The following CYFIP1 variants were observed in gnomAD, a reference collection of about 807,000 sequenced individuals.
CYFIP1 encodes the protein cytoplasmic FMR1 interacting protein 1.
Under a neutral mutation model 163.5 loss-of-function variants are expected in CYFIP1, and 58 were observed. The ratio of observed to expected loss-of-function variants is 0.35; its 90% confidence interval spans 0.29 to 0.44. The LOEUF (loss-of-function observed/expected upper bound fraction) is 0.44, where lower values mean the gene tolerates loss of function less well. CYFIP1 is among the 20% of genes least tolerant of loss of function. The pLI, the probability that CYFIP1 is intolerant of heterozygous loss-of-function variation, is 1.00. For missense variants in CYFIP1, 1,338 were observed against 1,653.8 expected (o/e 0.81, Z 3.31); for synonymous variants, 663 against 660.7 (o/e 1.00, Z -0.05).
chr15:22,970,458 A>C (rs998153677), intron 1 of CYFIP1, among the ~76,000 whole-genome samples: 3 of 152,238 alleles, frequency 2.0e-5, no homozygotes, highest in Non-Finnish European at 4.4e-5. Flanking sequence ...AATTCATAGG[A>C]ATCTCCAAGG....
chr15:22,882,094 A>G (rs1842661341), intron 24 of CYFIP1, among the ~76,000 whole-genome samples, 158 bp from the exon 25 acceptor site: 1 of 152,170 alleles, frequency 6.6e-6, no homozygotes, highest in Non-Finnish European at 1.5e-5. Context: ...ACCCCGGGAG[A>G]GAGAGCAACC....
intron 1 of CYFIP1, among the ~76,000 whole-genome samples, chr15:22,971,544 C>T (rs1041766523): frequency 1.3e-5 from 2 of 151,890 alleles, no homozygotes; most frequent in Non-Finnish European, 1.5e-5. Context: ...TGGTAGTGGG[C>T]GCCTGTAATC....
At chr15:22,928,562 G>A (rs2061433836) in intron 11 of CYFIP1, among the ~76,000 whole-genome samples, 1 of 152,176 alleles carries the variant, frequency 6.6e-6, no homozygotes, top group Admixed American at 6.5e-5. Context: ...ACCGCGGGCT[G>A]GGCGCGGGGC....
In CYFIP1 at chr15:22,873,570, A is replaced by G. The variant is rs1422747917; in HGVS notation, c.3370T>C (p.Cys1124Arg). Residue 1124 changes from cysteine (C) to arginine (R), a missense_variant, in exon 29 of 31, where the codon TGT (cysteine) becomes CGT (arginine). This residue lies in a region of CYFIP1 where 306 missense variants were observed against 322.1 expected (regional missense o/e 0.95). Coordinates refer to ENST00000617928, the MANE Select transcript of CYFIP1 (RefSeq NM_014608.6). ...PSNGVMHVDECVEFHRLWSAM... is the reference protein window; with the variant it reads ...PSNGVMHVDERVEFHRLWSAM... ...CTCCACAGTCTGTGAAACTCCACAC[A>G]CTCGTCCACATGCATGACCCCATTG... 4 of 1,614,038 alleles carry G rather than the reference A, an allele frequency of 2.5e-6. No individual in the cohort carries two copies. The highest frequency in any genetic ancestry group is 2.5e-6 in the Non-Finnish European group (3 of 1,180,036).
At chr15:22,892,386 G>C (rs1005682364) in intron 23 of CYFIP1, among the ~76,000 whole-genome samples, 1 of 152,148 alleles carries the variant, frequency 6.6e-6, no homozygotes, top group East Asian at 1.9e-4. Context: ...GTAGACCCGG[G>C]TGCTCCGGGT....
At position 22,868,506 on chromosome 15, in the gene CYFIP1, C is replaced by G. The variant is rs1335155693; in HGVS notation, c.*1522G>C. The G allele has an allele frequency of 6.6e-6, 1 of 152,100 alleles. No homozygotes were observed. Among genetic ancestry groups the G allele is most frequent in the East Asian group, 1.9e-4 (1 of 5,198 alleles). The allele number at this position is 152,100 out of a possible 1,614,324, so 9.4% of individuals were successfully genotyped here. ...AATTTTTCATCCTATTCTGTAGTTT[C>G]TAAGATAAGCACAGCTACCACCTCT... On this transcript the variant is annotated 3_prime_UTR_variant, in exon 31 of 31. Transcript: ENST00000617928.
rs1746926275 is a variant in CYFIP1 at position 22,881,013 on chromosome 15, GA to G, written c.2911+832del. Among the ~76,000 whole-genome samples, 5 of 152,144 alleles carry G rather than the reference GA, an allele frequency of 3.3e-5. No homozygotes were observed. The South Asian group carries it at 1.0e-3, about 32-fold the overall frequency. On this transcript the variant is annotated intron_variant, in intron 25 of 30. Transcript: ENST00000617928. ...CTCCTCTACTTTCTGACAATAAACT[GA>G]AAACAGATTCTCTTGAGCCAGGGCC...
intron 6 of CYFIP1, among the ~76,000 whole-genome samples, chr15:22,941,542 C>T (rs1307764957): frequency 2.7e-5 from 4 of 148,192 alleles, no homozygotes; most frequent in East Asian, 2.0e-4. Context: ...GAGCTAGATG[C>T]GTGTGTGTGT....
At chr15:22,977,569 G>A (rs990590089) in intron 1 of CYFIP1, among the ~76,000 whole-genome samples, 10 of 152,152 alleles carry the variant, frequency 6.6e-5, no homozygotes, top group African/African-American at 1.9e-4. Flanking sequence ...GGTGGTTCAC[G>A]CCTGTAATCC....
intron 1 of CYFIP1, chr15:22,951,486 G>A: frequency 7.8e-7 from 1 of 1,288,992 alleles, no homozygotes; most frequent in South Asian, 1.2e-5. Flanking sequence ...CGCTCGGAGG[G>A]GCCAGGCTGC....
At chr15:22,978,222 C>CG (rs1161185436) in intron 1 of CYFIP1, among the ~76,000 whole-genome samples, 7 of 151,012 alleles carry the variant, frequency 4.6e-5, no homozygotes, top group Non-Finnish European at 1.0e-4. Flanking sequence ...TGTGGTGGTG[C>CG]GTGCCTGTAA....
At chr15:22,918,922 G>T in intron 13 of CYFIP1, 64 bp from the exon 14 acceptor site, 1 of 1,329,570 alleles carries the variant, frequency 7.5e-7, no homozygotes, top group Non-Finnish European at 1.0e-6. Context: ...CCTCTGCCTG[G>T]CACATGCCGG....
intron 1 of CYFIP1, among the ~76,000 whole-genome samples, chr15:22,967,404 C>A (rs902208015): frequency 6.6e-6 from 1 of 152,212 alleles, no homozygotes; most frequent in Non-Finnish European, 1.5e-5. Flanking sequence ...GAGTTCCAAT[C>A]GCACTTTCCA....
intron 13 of CYFIP1, among the ~76,000 whole-genome samples, chr15:22,919,777 C>A (rs906475601): frequency 1.3e-5 from 2 of 152,164 alleles, no homozygotes. Flanking sequence ...AATCCTGGCA[C>A]TTTGGGAGGC....
In CYFIP1 at chr15:22,957,067, C is replaced by A. The variant is rs549591767; in HGVS notation, c.-6-9776G>T. ...CCAGAAAATGCAGAAGCGAAGGCGT[C>A]GGTGCCACGCAGGCGGCAGTGCTGT... On this transcript the variant is annotated intron_variant, in intron 1 of 30. Transcript: ENST00000617928. Among the ~76,000 whole-genome samples, 159 of 152,366 alleles carry A rather than the reference C, an allele frequency of 1.0e-3. 1 individual carries two copies. Among genetic ancestry groups the A allele is most frequent in the African/African-American group, 3.7e-3 (155 of 41,588 alleles).
At position 22,910,772 on chromosome 15, in the gene CYFIP1, G is replaced by A. The variant is rs1731704920; in HGVS notation, c.2124C>T (p.Asp708=). Residue 708 remains aspartate (D), a synonymous_variant, in exon 19 of 31, where the codon GAC becomes GAT. Coordinates refer to ENST00000617928, the MANE Select transcript of CYFIP1 (RefSeq NM_014608.6). ...TAACCTTATAATAGGCAAATATCTGGTCTGCTAGCTTGTAAACAAATTGGT... is the reference window on the plus strand; with the variant it reads ...TAACCTTATAATAGGCAAATATCTGATCTGCTAGCTTGTAAACAAATTGGT... The part of the protein sequence containing the change: ...CFDQFVYKLA[D]QIFAYYKVMA... 6.2e-7 allele frequency: 1 copy of A among 1,613,976 alleles called. No individual in the cohort carries two copies.
chr15:22,976,219 G>T (rs866532849), intron 1 of CYFIP1, among the ~76,000 whole-genome samples: 1 of 151,614 alleles, frequency 6.6e-6, no homozygotes, highest in Admixed American at 6.6e-5. Context: ...CTGCAGTGGC[G>T]CGATCTCGGC....
At chr15:22,926,830 A>G (rs142544000) in intron 12 of CYFIP1, among the ~76,000 whole-genome samples, 64 of 152,312 alleles carry the variant, frequency 4.2e-4, no homozygotes, top group African/African-American at 1.4e-3. Flanking sequence ...ATTAATTAAA[A>G]TAATTTATGG....
At chr15:22,883,549 G>A (rs12593139) in intron 23 of CYFIP1, among the ~76,000 whole-genome samples, 10,306 of 152,168 alleles carry the variant, frequency 0.068, 529 homozygotes, top group East Asian at 0.28. Context: ...CAGGCGCGGC[G>A]ACTCACACCT....
Sources: gnomAD v4.1 joint callset for allele counts (sites outside exome capture counted in the v4.1 genomes callset) on GRCh38, gnomAD v4.1.1 for gene constraint, gnomAD v4.1.1 regional missense constraint, MANE v1.5 for transcripts, NCBI Gene and HGNC (gene_info 2026-07-23, HGNC 2026-07-21) for gene names.